Variants in PDE8B observed in about 807,000 individuals in gnomAD.
The protein encoded by PDE8B is phosphodiesterase 8B.
PDE8B carries 26 observed loss-of-function variants against 101.3 expected under a neutral mutation model. The ratio of observed to expected loss-of-function variants is 0.26; its 90% CI spans 0.19 to 0.36. The LOEUF is 0.36. PDE8B is among the 10% of genes least tolerant of loss of function. PDE8B has a pLI of 1.00. For missense variants in PDE8B, 810 were observed against 1,163.1 expected (o/e 0.70, Z 4.42); for synonymous variants, 424 against 429.3 (o/e 0.99, Z 0.15).
chr5:77,269,302 T>C (rs1762325724), intron 1 of PDE8B, among the ~76,000 whole-genome samples: 1 of 152,186 alleles, frequency 6.6e-6, no homozygotes, highest in Non-Finnish European at 1.5e-5. Flanking sequence ...TTCAGGTCTT[T>C]TGCCCATTTT....
At chr5:77,157,058 A>T in the PDE8B span, among the ~76,000 whole-genome samples, 1 of 151,980 alleles carries the variant, frequency 6.6e-6, no homozygotes, top group Non-Finnish European at 1.5e-5. Flanking sequence ...ATGGCTTCTG[A>T]GCTCTGGTGA....
chr5:77,242,773 G>A (rs565337861), intron 1 of PDE8B, among the ~76,000 whole-genome samples: 2 of 152,172 alleles, frequency 1.3e-5, no homozygotes, highest in East Asian at 1.9e-4. Flanking sequence ...CCGGGTTCAC[G>A]CCATTCTCCT....
the PDE8B span, among the ~76,000 whole-genome samples, chr5:77,190,316 G>A: frequency 6.6e-6 from 1 of 152,170 alleles, no homozygotes; most frequent in Admixed American, 6.5e-5. Context: ...TTTCCCTCTG[G>A]AAGCCTTTCT....
the PDE8B span, among the ~76,000 whole-genome samples, chr5:77,133,247 C>T: frequency 3.0e-3 from 452 of 152,270 alleles, 5 homozygotes; most frequent in African/African-American, 0.01. Flanking sequence ...GATGACTAGC[C>T]CACTGGTTCT....
At chr5:77,409,109 G>T in intron 14 of PDE8B, 52 bp downstream of exon 14, 1 of 1,476,954 alleles carries the variant, frequency 6.8e-7, no homozygotes, top group Non-Finnish European at 9.5e-7. Context: ...GGGGCCTCTA[G>T]AGTGCAGCTG....
intron 1 of PDE8B, among the ~76,000 whole-genome samples, chr5:77,261,507 T>C: frequency 6.6e-6 from 1 of 152,266 alleles, no homozygotes. Flanking sequence ...ATTTTGTTTC[T>C]AATTAATCAC....
chr5:77,222,028 G>A (rs567432021), intron 1 of PDE8B, among the ~76,000 whole-genome samples: 110 of 152,274 alleles, frequency 7.2e-4, no homozygotes, highest in African/African-American at 2.5e-3. Flanking sequence ...TTGAAAGGAG[G>A]CATTTCACAA....
At chr5:77,118,674 GA>G in the PDE8B span, 1 of 302,588 alleles carries the variant, frequency 3.3e-6, no homozygotes, top group South Asian at 1.6e-4. Context: ...TTTTTCATGG[GA>G]AAGGATATAA....
In PDE8B at chr5:77,426,531, T is replaced by C. The variant is rs757137239; in HGVS notation, c.2635T>C (p.Leu879=). The change falls in exon 22 of 22, where the codon TTG becomes CTG. Residue 879 remains leucine, a synonymous_variant. Transcript: ENST00000264917. ...ACTAGATGACCTAAAGTGCAAAAGT[T>C]TGAGGCTTCCATCTGACAGCTAAAG... ...KTLDDLKCKS[L]RLPSDS 1.9e-6 allele frequency: 3 copies of C among 1,610,668 alleles called. No homozygotes were observed. The highest frequency in any genetic ancestry group is 4.5e-5 in the East Asian group (2 of 44,882).
rs1786679038 is a variant in PDE8B at position 77,378,241 on chromosome 5, AT to A, written c.1168-22006del. Reference sequence around the variant, plus strand: ...TTTGGGAGGCTGAGGCGGGTGGATCATGAGCTCAAGAGATCGAGACCATCCT... The same window carrying A: ...TTTGGGAGGCTGAGGCGGGTGGATCAGAGCTCAAGAGATCGAGACCATCCT... On this transcript the variant is annotated intron_variant, in intron 10 of 21. Coordinates refer to ENST00000264917, the MANE Select transcript of PDE8B (RefSeq NM_003719.5). Among the ~76,000 whole-genome samples, 3 of 152,088 alleles carry A rather than the reference AT, an allele frequency of 2.0e-5. No individual in the cohort carries two copies. The South Asian group carries it at 6.2e-4, about 32-fold the overall frequency.
At chr5:77,188,360 T>A in the PDE8B span, among the ~76,000 whole-genome samples, 1 of 152,224 alleles carries the variant, frequency 6.6e-6, no homozygotes, top group Non-Finnish European at 1.5e-5. Context: ...CGTTTTGCAG[T>A]ACTCATTTTC....
chr5:77,242,286 C>A (rs1367670474), intron 1 of PDE8B, among the ~76,000 whole-genome samples: 3 of 152,144 alleles, frequency 2.0e-5, no homozygotes, highest in Non-Finnish European at 2.9e-5. Flanking sequence ...GTCCTTAGTT[C>A]TGGCAGAAGG....
At chr5:77,407,338 T>G in intron 12 of PDE8B, 43 bp from the exon 13 acceptor site, 1 of 1,523,050 alleles carries the variant, frequency 6.6e-7, no homozygotes, top group Non-Finnish European at 9.1e-7. Context: ...TTAGCCACAC[T>G]GAGCCACCGG....
intron 17 of PDE8B, among the ~76,000 whole-genome samples, chr5:77,416,005 G>A (rs1795459689): frequency 6.6e-6 from 1 of 152,162 alleles, no homozygotes; most frequent in South Asian, 2.1e-4. Flanking sequence ...GCCAGTTGCG[G>A]GTTTGGTGGG....
intron 10 of PDE8B, among the ~76,000 whole-genome samples, chr5:77,382,253 T>A (rs976787058): frequency 6.6e-6 from 1 of 151,308 alleles, no homozygotes; most frequent in Non-Finnish European, 1.5e-5. Flanking sequence ...GCCCATCTAA[T>A]TTCTGACAGA....
At chr5:77,199,529 A>G in the PDE8B span, among the ~76,000 whole-genome samples, 2 of 152,222 alleles carry the variant, frequency 1.3e-5, no homozygotes, top group South Asian at 4.1e-4. Flanking sequence ...CGAAAAGATC[A>G]GATCCCCCGT....
chr5:77,272,771 G>A (rs547103156), intron 1 of PDE8B, among the ~76,000 whole-genome samples: 10 of 152,278 alleles, frequency 6.6e-5, no homozygotes, highest in African/African-American at 2.4e-4. Flanking sequence ...TAGTATAAAG[G>A]GGGCAAAAAT....
At chr5:77,313,784 T>G (rs558969264) in intron 2 of PDE8B, among the ~76,000 whole-genome samples, 5 of 152,322 alleles carry the variant, frequency 3.3e-5, no homozygotes, top group African/African-American at 1.2e-4. Context: ...AGCCCTTTAT[T>G]TATCCCTTTG....
At chr5:77,297,790 T>C (rs1005558811) in intron 1 of PDE8B, among the ~76,000 whole-genome samples, 2 of 152,220 alleles carry the variant, frequency 1.3e-5, no homozygotes, top group African/African-American at 4.8e-5. Flanking sequence ...TTTGCCATCC[T>C]TGTGCCATTC....
Sources: gnomAD v4.1 joint callset for allele counts (sites outside exome capture counted in the v4.1 genomes callset) on GRCh38, gnomAD v4.1.1 for gene constraint, MANE v1.5 for transcripts, NCBI Gene and HGNC (gene_info 2026-07-23, HGNC 2026-07-21) for gene names.